The following PLEKHA1 variants were observed in gnomAD, a reference collection of about 807,000 sequenced individuals.
PLEKHA1 encodes the protein pleckstrin homology domain-containing family A member 1.
Under a neutral mutation model 52.0 loss-of-function variants are expected in PLEKHA1, and 34 were observed. The observed-to-expected ratio is 0.65, with a 90% CI of 0.50 to 0.87. The LOEUF is 0.87. Ranked by LOEUF, PLEKHA1 falls within the 40% of genes least tolerant of loss-of-function variation. The probability of loss-of-function intolerance (pLI) is 0.00; values close to 1 mark genes in which losing one functional copy is unlikely to be tolerated. For synonymous variants in PLEKHA1, 163 were observed against 170.7 expected, an observed-to-expected ratio of 0.95 and a Z score of 0.35; for missense variants, 497 against 504.2, an observed-to-expected ratio of 0.99 and a Z score of 0.14.
intron 11 of PLEKHA1, 120 bp downstream of exon 11, chr10:122,427,151 A>G: frequency 1.1e-6 from 1 of 925,024 alleles, no homozygotes; most frequent in East Asian, 2.6e-5. Context: ...GTTGACTTTT[A>G]TACCAATTGG....
At chr10:122,428,391 A>G (rs1590969890) in intron 11 of PLEKHA1, 1 of 1,534,236 alleles carries the variant, frequency 6.5e-7, no homozygotes, top group East Asian at 2.5e-5. Flanking sequence ...TGGAGGGCCC[A>G]GACTTACTAC....
At chr10:122,385,609 C>T (rs1003735549) in intron 1 of PLEKHA1, among the ~76,000 whole-genome samples, 1 of 152,148 alleles carries the variant, frequency 6.6e-6, no homozygotes, top group African/African-American at 2.4e-5. Context: ...AGCCACTGTG[C>T]CCAGCCTATT....
At chr10:122,417,233 A>G (rs1326019848) in intron 7 of PLEKHA1, among the ~76,000 whole-genome samples, 1 of 152,078 alleles carries the variant, frequency 6.6e-6, no homozygotes, top group Non-Finnish European at 1.5e-5. Flanking sequence ...GTTTTTACAG[A>G]TGGAGAAACT....
At chr10:122,401,687 G>A (rs966745847) in intron 4 of PLEKHA1, among the ~76,000 whole-genome samples, 2 of 152,174 alleles carry the variant, frequency 1.3e-5, no homozygotes, top group African/African-American at 4.8e-5. Context: ...GAAATTCGGA[G>A]TCTGTTGAAA....
chr10:122,421,402 T>C (rs1185435056), intron 8 of PLEKHA1: 3 of 152,164 alleles, frequency 2.0e-5, no homozygotes, highest in African/African-American at 7.2e-5. Flanking sequence ...AAAGAAAATA[T>C]TTGACAAGCA....
At chr10:122,397,625 T>G (rs1457962103) in intron 2 of PLEKHA1, among the ~76,000 whole-genome samples, 1 of 152,110 alleles carries the variant, frequency 6.6e-6, no homozygotes, top group Non-Finnish European at 1.5e-5. Flanking sequence ...AAATCTGATC[T>G]TGTTCATGGC....
rs1004072007 is a variant in PLEKHA1 at position 122,393,116 on chromosome 10, T to A, written c.-20-65T>A. 7.5e-7 allele frequency: 1 copy of A among 1,341,108 alleles called. No individual in the cohort carries two copies. The highest frequency in any genetic ancestry group is 1.5e-5 in the African/African-American group (1 of 67,818). 83.1% of individuals were successfully genotyped at this position (1,341,108 alleles called of 1,614,324 possible). A position where few individuals can be genotyped will look rare whatever the true frequency, so the allele number is the denominator to read the frequency against. On this transcript the variant is annotated intron_variant, in intron 1 of 11. Transcript: ENST00000368990. This position sits in a 1 kb window ranked among gnomAD's most constrained non-coding sequence, Gnocchi z 4.5. Reference sequence around the variant, plus strand: ...AAGTTGCCCCCTCATTGAACAGATTTGCAGTCCATGAGAAATACTTTCCTG... The same window carrying A: ...AAGTTGCCCCCTCATTGAACAGATTAGCAGTCCATGAGAAATACTTTCCTG...
intron 5 of PLEKHA1, chr10:122,412,717 T>G (rs1437797141): frequency 1.8e-6 from 1 of 566,214 alleles, no homozygotes; most frequent in Non-Finnish European, 3.0e-6. Flanking sequence ...GAGTAAGCAC[T>G]CATTACGTGA....
chr10:122,377,803 T>C (rs2096558904), intron 1 of PLEKHA1, among the ~76,000 whole-genome samples: 1 of 152,234 alleles, frequency 6.6e-6, no homozygotes. Flanking sequence ...CAAACATATG[T>C]TTGCTATTTA....
intron 11 of PLEKHA1, chr10:122,428,504 G>A: frequency 8.6e-7 from 1 of 1,161,252 alleles, no homozygotes; most frequent in Admixed American, 4.1e-5. Context: ...TAGTCATCAG[G>A]TTGGATATGT....
intron 2 of PLEKHA1, among the ~76,000 whole-genome samples, chr10:122,394,467 A>G (rs1313585372): frequency 6.6e-6 from 1 of 152,086 alleles, no homozygotes; most frequent in African/African-American, 2.4e-5. Context: ...GCAAGGGATG[A>G]ATCTCTAGCA....
chr10:122,382,973 C>G (rs955078274), intron 1 of PLEKHA1, among the ~76,000 whole-genome samples: 26 of 152,136 alleles, frequency 1.7e-4, no homozygotes, highest in African/African-American at 6.0e-4. Context: ...TAGGGTTTTA[C>G]CATTTTGCCT....
At chr10:122,380,725 T>TA (rs1223530357) in intron 1 of PLEKHA1, among the ~76,000 whole-genome samples, 1 of 152,022 alleles carries the variant, frequency 6.6e-6, no homozygotes, top group Non-Finnish European at 1.5e-5. Flanking sequence ...GGGGAAGCTT[T>TA]AAAAAAGTAC....
chr10:122,427,608 A>G (rs945041519), intron 11 of PLEKHA1, among the ~76,000 whole-genome samples: 3 of 152,186 alleles, frequency 2.0e-5, no homozygotes, highest in Admixed American at 6.5e-5. Context: ...TCTGAAAACT[A>G]CCATAATTAT....
chr10:122,420,522 C>T (rs2097244822), intron 8 of PLEKHA1: 1 of 152,118 alleles, frequency 6.6e-6, no homozygotes, highest in African/African-American at 2.4e-5. Flanking sequence ...AGATGTCTCC[C>T]ATTTCATCTG....
At chr10:122,399,738 A>G (rs895918318) in intron 3 of PLEKHA1, among the ~76,000 whole-genome samples, 5 of 152,048 alleles carry the variant, frequency 3.3e-5, no homozygotes, top group Admixed American at 1.3e-4. Context: ...GCCCGCCACC[A>G]TGCCCAGCTA....
intron 1 of PLEKHA1, among the ~76,000 whole-genome samples, chr10:122,376,018 A>G (rs1243914267): frequency 6.6e-6 from 1 of 152,146 alleles, no homozygotes; most frequent in Non-Finnish European, 1.5e-5. Context: ...CTCCTGATCA[A>G]TCTGCTTTAT....
rs1296638561 is a variant in PLEKHA1 at position 122,431,850 on chromosome 10, C to G, written c.*1912C>G. 1 of 151,520 alleles carries G rather than the reference C, an allele frequency of 6.6e-6. No homozygotes were observed. Among genetic ancestry groups the G allele is most frequent in the Non-Finnish European group, 1.5e-5 (1 of 67,880 alleles). The allele number at this position is 151,520 out of a possible 1,614,324, so 9.4% of individuals were successfully genotyped here. On this transcript the variant is annotated 3_prime_UTR_variant, in exon 12 of 12. Coordinates refer to ENST00000368990, the MANE Select transcript of PLEKHA1 (RefSeq NM_001001974.4). ...ATTTTAATGGCTTTTTTGAAAGTTCCTTTTTCATGAACACACCCGAGAAAT... is the reference window on the plus strand; with the variant it reads ...ATTTTAATGGCTTTTTTGAAAGTTCGTTTTTCATGAACACACCCGAGAAAT...
At position 122,432,051 on chromosome 10, in the gene PLEKHA1, A is replaced by G. The variant is rs2133778306; in HGVS notation, c.*2113A>G. The G allele has an allele frequency of 6.6e-6, 1 of 152,322 alleles. No individual in the cohort carries two copies. The highest frequency in any genetic ancestry group is 1.9e-4 in the East Asian group (1 of 5,192). 9.4% of individuals were successfully genotyped at this position (152,322 alleles called of 1,614,324 possible). On this transcript the variant is annotated 3_prime_UTR_variant, in exon 12 of 12. Transcript: ENST00000368990. ...TATCCTTGTTCGATAGCATAGGAAA[A>G]TGTTCTGGTGATTGTCAGGGTCTCC...
Sources: allele counts gnomAD v4.1 joint callset (sites outside exome capture counted in the v4.1 genomes callset), GRCh38; gene constraint gnomAD v4.1.1; non-coding constraint Gnocchi (gnomAD v3.1); transcripts MANE v1.5; gene names NCBI Gene and HGNC (gene_info 2026-07-23, HGNC 2026-07-21).